The following ANKRD12 variants were observed in gnomAD, a reference collection of about 807,000 sequenced individuals.
ANKRD12 encodes ankyrin repeat domain 12.
A neutral mutation model predicts 183.4 loss-of-function variants in ANKRD12; 85 were observed. That is an observed-to-expected ratio of 0.46 (90% CI 0.39 to 0.56). The LOEUF (loss-of-function observed/expected upper bound fraction) is 0.56, where lower values mean the gene tolerates loss of function less well. ANKRD12 is among the 20% of genes least tolerant of loss of function. ANKRD12 has a pLI of 0.00. For missense variants in ANKRD12, 2,405 were observed against 2,357.1 expected (o/e 1.02, Z -0.42); for synonymous variants, 914 against 800.2 (o/e 1.14, Z -2.40).
intron 2 of ANKRD12, among the ~76,000 whole-genome samples, chr18:9,188,006 A>T (rs998874249): frequency 1.3e-5 from 2 of 152,248 alleles, no homozygotes; most frequent in Admixed American, 1.3e-4. Flanking sequence ...AATAATGAAA[A>T]TAGAAATTAC....
chr18:9,259,081 C>T, intron 9 of ANKRD12, 150 bp downstream of exon 9: 1 of 971,926 alleles, frequency 1.0e-6, no homozygotes, highest in Non-Finnish European at 1.4e-6. Context: ...TAGTAACGTT[C>T]TTGTTTCTTT....
chr18:9,214,891 A>T (rs2036007637), intron 6 of ANKRD12, among the ~76,000 whole-genome samples: 2 of 152,162 alleles, frequency 1.3e-5, no homozygotes, highest in South Asian at 4.1e-4. Context: ...AGATTGCTAT[A>T]AAAAAGGCGT....
At chr18:9,154,674 TC>T in intron 1 of ANKRD12, among the ~76,000 whole-genome samples, 1 of 152,178 alleles carries the variant, frequency 6.6e-6, no homozygotes, top group East Asian at 1.9e-4. Flanking sequence ...TTTGCAATAG[TC>T]TATTCAAGAG....
chr18:9,186,710 C>T (rs1206210759), intron 2 of ANKRD12, among the ~76,000 whole-genome samples: 1 of 147,988 alleles, frequency 6.8e-6, no homozygotes, highest in Non-Finnish European at 1.5e-5. Context: ...GCATGACCAT[C>T]ATTCATGTGT....
At chr18:9,247,792 G>C (rs899599125) in intron 8 of ANKRD12, among the ~76,000 whole-genome samples, 3 of 151,020 alleles carry the variant, frequency 2.0e-5, no homozygotes, top group Non-Finnish European at 3.0e-5. Flanking sequence ...TTTTTGTTTT[G>C]TTTTGTTTTG....
chr18:9,255,267 A>T lies in ANKRD12; in HGVS notation c.2000A>T (p.Lys667Ile), dbSNP rs759254055. 12 of 1,572,450 alleles carry T rather than the reference A, an allele frequency of 7.6e-6. No homozygotes were observed. Among genetic ancestry groups the T allele is most frequent in the Middle Eastern group, 3.4e-4 (2 of 5,862 alleles). The change falls in exon 9 of 13, where the codon AAA becomes ATA. Residue 667 changes from lysine (K) to isoleucine (I), a missense_variant. Lys to Ile is a moderately radical substitution (Grantham distance 102, BLOSUM62 -3). Around this residue, in one of 7 missense-constraint regions of ANKRD12, gnomAD observed 1,983 missense variants for 1,725.9 expected, o/e 1.15. Transcript: ENST00000262126. ...HKEREKEKHK[K>I]EIEGEKEKYK... ...GAGAGGGAAAAAGAAAAGCATAAAA[A>T]AGAAATTGAAGGTGAAAAGGAAAAA...
chr18:9,279,750 G>C, intron 12 of ANKRD12, 106 bp downstream of exon 12: 1 of 637,604 alleles, frequency 1.6e-6, no homozygotes, highest in Non-Finnish European at 2.7e-6. Context: ...GGAAATACTG[G>C]TTAGTCATGA....
intron 1 of ANKRD12, among the ~76,000 whole-genome samples, chr18:9,163,826 G>C (rs1261977036): frequency 6.6e-6 from 1 of 151,972 alleles, no homozygotes; most frequent in Admixed American, 6.6e-5. Flanking sequence ...TTTGCGCTCT[G>C]CTTGCCTGTT....
intron 10 of ANKRD12, among the ~76,000 whole-genome samples, chr18:9,265,252 C>T (rs1053708473): frequency 4.6e-5 from 7 of 152,232 alleles, no homozygotes; most frequent in Non-Finnish European, 7.3e-5. Context: ...TTAAATGTCC[C>T]TGTCTGACAG....
intron 8 of ANKRD12, among the ~76,000 whole-genome samples, chr18:9,244,601 C>G (rs1173720297): frequency 2.6e-5 from 4 of 152,136 alleles, no homozygotes; most frequent in Non-Finnish European, 5.9e-5. Context: ...AGAGTAGTTC[C>G]TAGTACTCGT....
intron 1 of ANKRD12, among the ~76,000 whole-genome samples, chr18:9,163,490 C>T (rs2031686424): frequency 3.3e-5 from 5 of 152,062 alleles, no homozygotes; most frequent in African/African-American, 1.2e-4. Context: ...GTTCTTTTTC[C>T]TTAGGATTGT....
chr18:9,174,617 C>T (rs1179192258), intron 1 of ANKRD12, among the ~76,000 whole-genome samples: 4 of 152,336 alleles, frequency 2.6e-5, no homozygotes, highest in South Asian at 4.1e-4. Flanking sequence ...GTTCCTTTGG[C>T]TCCCCAGTGC....
Position 9,182,505 on chromosome 18 carries a change from C to CAG in ANKRD12, c.73_74insAG (p.Pro25GlnfsTer25). The CAG allele has an allele frequency of 6.2e-7, 1 of 1,604,540 alleles. No homozygotes were observed. The highest frequency in any genetic ancestry group is 1.1e-5 in the South Asian group (1 of 89,794). On this transcript the variant is annotated frameshift_variant, in exon 2 of 13. Coordinates refer to ENST00000262126, the MANE Select transcript of ANKRD12 (RefSeq NM_015208.5). LOFTEE classifies it high-confidence loss of function. ...CAGTGACAGCAATATGGTAGAGAAA[C>CAG]CATATGGAAGAAAGGTATATGATTA...
intron 7 of ANKRD12, among the ~76,000 whole-genome samples, chr18:9,217,674 AC>A (rs1270333211): frequency 2.6e-5 from 4 of 152,084 alleles, no homozygotes; most frequent in Non-Finnish European, 5.9e-5. Flanking sequence ...CCAGTGGTCT[AC>A]TCTTTTCTCT....
At chr18:9,175,430 C>G (rs149677400) in intron 1 of ANKRD12, among the ~76,000 whole-genome samples, 90 of 150,632 alleles carry the variant, frequency 6.0e-4, no homozygotes, top group African/African-American at 2.0e-3. Context: ...GATTCTCCCT[C>G]CTTTTGTCAG....
At chr18:9,232,573 G>A (rs1288438699) in intron 8 of ANKRD12, among the ~76,000 whole-genome samples, 1 of 152,164 alleles carries the variant, frequency 6.6e-6, no homozygotes, top group East Asian at 1.9e-4. Flanking sequence ...ATTGACTTTA[G>A]ACAGTTGGAC....
Position 9,258,507 on chromosome 18 carries a change from G to C in ANKRD12, c.5240G>C (p.Ser1747Thr). Residue 1747 changes from serine (S) to threonine (T), a missense_variant, in exon 9 of 13, where the codon AGC becomes ACC. Ser to Thr is a moderately conservative substitution (Grantham distance 58). Transcript: ENST00000262126. ...AAAGCAAATACAATGGCAAATCAAA[G>C]CAAACAGATTCTTGCTAGCTGTACA... ...RNKANTMANQ[S>T]KQILASCTLL... 1 of 1,613,704 alleles carries C rather than the reference G, an allele frequency of 6.2e-7. No individual in the cohort carries two copies. Among genetic ancestry groups the C allele is most frequent in the Non-Finnish European group, 8.5e-7 (1 of 1,179,914 alleles).
At chr18:9,216,432 T>G (rs1006056179) in intron 6 of ANKRD12, among the ~76,000 whole-genome samples, 1 of 152,246 alleles carries the variant, frequency 6.6e-6, no homozygotes, top group African/African-American at 2.4e-5. Flanking sequence ...AGTCAAACTG[T>G]TCATGTTACT....
chr18:9,257,303 C>G lies in ANKRD12; in HGVS notation c.4036C>G (p.Pro1346Ala). Reference protein sequence around the residue: ...LTVPGDTSPSPKPEVFSNVPE... With the variant: ...LTVPGDTSPSAKPEVFSNVPE... ...TGTGCCAGGAGATACTAGTCCTTCT[C>G]CCAAACCTGAGGTATTCTCAAATGT... The change falls in exon 9 of 13, where the codon CCC (proline) becomes GCC (alanine). Residue 1346 changes from proline to alanine, a missense_variant. Coordinates refer to ENST00000262126, the MANE Select transcript of ANKRD12 (RefSeq NM_015208.5). The G allele has an allele frequency of 6.2e-7, 1 of 1,614,152 alleles. No homozygotes were observed. The highest frequency in any genetic ancestry group is 8.5e-7 in the Non-Finnish European group (1 of 1,180,014).
Sources: allele counts gnomAD v4.1 joint callset (sites outside exome capture counted in the v4.1 genomes callset), GRCh38; gene constraint gnomAD v4.1.1; regional missense constraint gnomAD v4.1.1; transcripts MANE v1.5; gene names NCBI Gene and HGNC (gene_info 2026-07-23, HGNC 2026-07-21).